KIT: variants seen among roughly 807,000 people sequenced by gnomAD.
The protein encoded by KIT is mast/stem cell growth factor receptor Kit.
In KIT, 16 loss-of-function variants were observed where a neutral mutation model predicts 105.7. That is an observed-to-expected ratio of 0.15 (90% CI 0.10 to 0.23). KIT has a LOEUF of 0.23. Ranked by LOEUF, KIT falls within the 10% of genes least tolerant of loss-of-function variation. KIT has a pLI of 1.00. For synonymous variants in KIT, 438 were observed against 441.1 expected, an observed-to-expected ratio of 0.99 and a Z score of 0.09; for missense variants, 858 against 1,213.8, an observed-to-expected ratio of 0.71 and a Z score of 4.36.
At chr4:54,720,027 A>G (rs1721763734) in intron 7 of KIT, among the ~76,000 whole-genome samples, 1 of 151,966 alleles carries the variant, frequency 6.6e-6, no homozygotes, top group African/African-American at 2.4e-5. Context: ...TCTCACAGAT[A>G]CCCACTCATA....
At chr4:54,695,021 G>A (rs1719958584) in intron 1 of KIT, among the ~76,000 whole-genome samples, 1 of 152,198 alleles carries the variant, frequency 6.6e-6, no homozygotes, top group South Asian at 2.1e-4. Flanking sequence ...GCCATGTAAA[G>A]AGAGTTATAC....
chr4:54,674,823 T>C (rs1325124917), intron 1 of KIT, among the ~76,000 whole-genome samples: 2 of 152,222 alleles, frequency 1.3e-5, no homozygotes, highest in Non-Finnish European at 2.9e-5. Context: ...TGCTGAGCTA[T>C]TATTTCTGAG....
chr4:54,739,862 T>C lies in KIT; in HGVS notation c.*1305T>C, dbSNP rs896163566. The C allele has an allele frequency of 2.1e-5, 5 of 233,378 alleles. No homozygotes were observed. The highest frequency in any genetic ancestry group is 8.8e-5 in the African/African-American group (4 of 45,338). The allele number at this position is 233,378 out of a possible 1,614,324, so 14.5% of individuals were successfully genotyped here. A position where few individuals can be genotyped will look rare whatever the true frequency, so the allele number is the denominator to read the frequency against. ...AGGAAGTGGAAGGCATCAGTCCCTA[T>C]GTATTTGCAGTTCACCTGCACTTAA... On this transcript the variant is annotated 3_prime_UTR_variant, in exon 21 of 21. Coordinates refer to ENST00000288135, the MANE Select transcript of KIT (RefSeq NM_000222.3).
intron 14 of KIT, among the ~76,000 whole-genome samples, chr4:54,729,916 G>A (rs1722483300): frequency 6.6e-6 from 1 of 152,154 alleles, no homozygotes; most frequent in Non-Finnish European, 1.5e-5. Context: ...ATGACAAAGA[G>A]CTCTGAACAT....
intron 1 of KIT, among the ~76,000 whole-genome samples, chr4:54,687,779 A>G (rs985285622): frequency 8.5e-5 from 13 of 152,082 alleles, no homozygotes; most frequent in Admixed American, 7.2e-4. Context: ...ACGTGCAAAC[A>G]CATATACAAA....
chr4:54,695,427 G>T, intron 1 of KIT, 85 bp from the exon 2 acceptor site: 1 of 1,405,490 alleles, frequency 7.1e-7, no homozygotes, highest in African/African-American at 1.4e-5. Context: ...AGAGTACACA[G>T]AAGATGGAAC....
rs554248546 is a variant in KIT at position 54,659,021 on chromosome 4, C to T, written c.67+940C>T. 1.6e-4 allele frequency among the ~76,000 whole-genome samples: 25 copies of T among 152,260 alleles called. No individual in the cohort carries two copies. The South Asian group carries it at 5.2e-3, about 32-fold the overall frequency. On this transcript the variant is annotated intron_variant, in intron 1 of 20. Transcript: ENST00000288135. ...CACGCCGGCCAGAGTGCCCGGCCTG[C>T]CTGGCGGGTTCTGAAAGCCCCTAGT... is the stretch of plus-strand genomic sequence containing the variant.
chr4:54,664,807 C>T (rs1317763189), intron 1 of KIT, among the ~76,000 whole-genome samples: 1 of 151,262 alleles, frequency 6.6e-6, no homozygotes, highest in African/African-American at 2.4e-5. Context: ...AGAATAGTCT[C>T]GAACTTATGA....
At chr4:54,715,368 TAAAA>T (rs34247930) in intron 7 of KIT, among the ~76,000 whole-genome samples, 7,454 of 142,802 alleles carry the variant, frequency 0.052, 599 homozygotes, top group African/African-American at 0.17. Context: ...GTGTTGCTGT[TAAAA>T]AAAAAAAAAA....
chr4:54,736,884 G>C, intron 19 of KIT, 64 bp downstream of exon 19: 1 of 1,252,326 alleles, frequency 8.0e-7, no homozygotes, highest in Non-Finnish European at 1.2e-6. Flanking sequence ...TTTAGAGACA[G>C]AAACCCAGAT....
intron 1 of KIT, among the ~76,000 whole-genome samples, chr4:54,685,202 A>T (rs949945172): frequency 6.6e-6 from 1 of 151,438 alleles, no homozygotes; most frequent in African/African-American, 2.4e-5. Flanking sequence ...TCCCTGGGGG[A>T]TTTCATGGAC....
At chr4:54,660,247 T>G (rs1216789190) in intron 1 of KIT, among the ~76,000 whole-genome samples, 3 of 152,144 alleles carry the variant, frequency 2.0e-5, no homozygotes, top group Non-Finnish European at 4.4e-5. Context: ...TTACTGCCCT[T>G]CAATTCCCAT....
rs1002002188 is a variant in KIT at position 54,732,612 on chromosome 4, A to G, written c.2362-458A>G. On this transcript the variant is annotated intron_variant, in intron 16 of 20. Coordinates refer to ENST00000288135, the MANE Select transcript of KIT (RefSeq NM_000222.3). ...CCTACCCTTAAATGTCATGGGTGAC[A>G]TTTCCCAACAATTACCAAACTAAGA... Among the ~76,000 whole-genome samples, 5 of 152,292 alleles carry G rather than the reference A, an allele frequency of 3.3e-5. 1 individual carries two copies. The South Asian group carries it at 1.0e-3, about 32-fold the overall frequency.
At chr4:54,688,358 A>T (rs188044294) in intron 1 of KIT, among the ~76,000 whole-genome samples, 3 of 152,320 alleles carry the variant, frequency 2.0e-5, no homozygotes, top group Admixed American at 6.5e-5. Flanking sequence ...ACCGAAGAGT[A>T]GTTGAACTAC....
At chr4:54,718,168 T>G (rs1721620818) in intron 7 of KIT, among the ~76,000 whole-genome samples, 1 of 152,190 alleles carries the variant, frequency 6.6e-6, no homozygotes, top group Non-Finnish European at 1.5e-5. Context: ...TGGCACAATC[T>G]TGGCTCACTG....
chr4:54,733,666 G>T (rs1037834705), intron 17 of KIT, among the ~76,000 whole-genome samples: 2 of 152,158 alleles, frequency 1.3e-5, no homozygotes, highest in Non-Finnish European at 2.9e-5. Flanking sequence ...TGGGTTTGTA[G>T]AACATAGCAA....
chr4:54,687,054 C>T (rs1183704414), intron 1 of KIT, among the ~76,000 whole-genome samples: 4 of 152,058 alleles, frequency 2.6e-5, no homozygotes, highest in South Asian at 2.1e-4. Context: ...TCAGTTTCTT[C>T]GAAAGCTCAT....
At chr4:54,719,896 C>T (rs954537454) in intron 7 of KIT, among the ~76,000 whole-genome samples, 6 of 152,238 alleles carry the variant, frequency 3.9e-5, no homozygotes, top group African/African-American at 9.6e-5. Flanking sequence ...AGGTACAGCT[C>T]ATGCTGTACT....
chr4:54,737,676 C>T (rs1367167099), intron 20 of KIT, among the ~76,000 whole-genome samples: 1 of 152,154 alleles, frequency 6.6e-6, no homozygotes, highest in African/African-American at 2.4e-5. Context: ...ATAGAAAAGA[C>T]AGCTTGTTAC....
Sources: allele counts gnomAD v4.1 joint callset (sites outside exome capture counted in the v4.1 genomes callset), GRCh38; gene constraint gnomAD v4.1.1; transcripts MANE v1.5; gene names NCBI Gene and HGNC (gene_info 2026-07-23, HGNC 2026-07-21).